GRIK1: variants seen among roughly 807,000 people sequenced by gnomAD.
GRIK1 encodes glutamate receptor ionotropic, kainate 1.
Under a neutral mutation model 105.7 loss-of-function variants are expected in GRIK1, and 69 were observed. The ratio of observed to expected loss-of-function variants is 0.65; its 90% CI spans 0.54 to 0.80. The LOEUF (loss-of-function observed/expected upper bound fraction) is 0.80, where lower values mean the gene tolerates loss of function less well. Among genes scored for constraint, GRIK1 ranks in the 30% least tolerant of loss-of-function variants. The pLI is 0.00. For synonymous variants in GRIK1, 438 were observed against 431.3 expected (o/e 1.02, Z -0.19); for missense variants, 1,109 against 1,167.3 (o/e 0.95, Z 0.73).
At chr21:29,647,320 G>A (rs1281285164) in intron 6 of GRIK1, among the ~76,000 whole-genome samples, 2 of 152,180 alleles carry the variant, frequency 1.3e-5, no homozygotes, top group African/African-American at 4.8e-5. Flanking sequence ...TAAATGACTT[G>A]TTCAGGTCAC....
chr21:29,831,209 C>A (rs2067626814), intron 1 of GRIK1, among the ~76,000 whole-genome samples: 1 of 152,054 alleles, frequency 6.6e-6, no homozygotes. Flanking sequence ...TGAGAAAAGG[C>A]AGAAATGTTT....
chr21:29,578,984 G>C (rs1487507091), intron 13 of GRIK1, among the ~76,000 whole-genome samples: 1 of 152,002 alleles, frequency 6.6e-6, no homozygotes, highest in Admixed American at 6.6e-5. Flanking sequence ...TCATTATTTG[G>C]TTGCATATGA....
At chr21:29,544,892 G>C (rs939873532) in intron 16 of GRIK1, among the ~76,000 whole-genome samples, 1 of 152,362 alleles carries the variant, frequency 6.6e-6, no homozygotes, top group South Asian at 2.1e-4. Flanking sequence ...GATCTGAGGA[G>C]GGGCACCTCC....
intron 4 of GRIK1, among the ~76,000 whole-genome samples, chr21:29,656,955 C>T (rs974062684): frequency 5.9e-5 from 9 of 152,100 alleles, no homozygotes; most frequent in African/African-American, 1.7e-4. Flanking sequence ...GACAACAAGA[C>T]CAGGCACACT....
At chr21:29,638,865 C>T (rs1016701) in intron 7 of GRIK1, among the ~76,000 whole-genome samples, 9,983 of 152,232 alleles carry the variant, frequency 0.066, 464 homozygotes, top group African/African-American at 0.12. Context: ...TTTTGCTAGG[C>T]TATACATATA....
intron 16 of GRIK1, among the ~76,000 whole-genome samples, chr21:29,541,727 T>C (rs1268191011): frequency 6.6e-6 from 1 of 151,764 alleles, no homozygotes; most frequent in African/African-American, 2.4e-5. Flanking sequence ...TGTTAAAACA[T>C]AAATTTTCAA....
chr21:29,914,163 C>T (rs1014585969), intron 1 of GRIK1, among the ~76,000 whole-genome samples: 7 of 151,976 alleles, frequency 4.6e-5, no homozygotes, highest in African/African-American at 1.2e-4. Context: ...CACCCATCCC[C>T]AAGTTGTGAC....
intron 3 of GRIK1, among the ~76,000 whole-genome samples, chr21:29,684,221 T>C (rs1295015143): frequency 6.6e-6 from 1 of 152,186 alleles, no homozygotes; most frequent in East Asian, 1.9e-4. Context: ...TGTCTGGCAG[T>C]AAATGTCTAT....
chr21:29,538,858 A>G (rs985100569), intron 16 of GRIK1, among the ~76,000 whole-genome samples: 3 of 152,164 alleles, frequency 2.0e-5, no homozygotes, highest in African/African-American at 7.2e-5. Context: ...AGTTTAGAGA[A>G]GTAGTAGTTT....
At chr21:29,863,518 A>C (rs779599162) in intron 1 of GRIK1, among the ~76,000 whole-genome samples, 7 of 152,156 alleles carry the variant, frequency 4.6e-5, no homozygotes, top group Non-Finnish European at 7.4e-5. Context: ...TTCATTTGGC[A>C]TTTAGACACT....
intron 1 of GRIK1, chr21:29,761,299 C>G (rs368497742): frequency 6.6e-6 from 1 of 152,218 alleles, no homozygotes; most frequent in East Asian, 1.9e-4. Flanking sequence ...CCCAGGTTCT[C>G]GAACTCATGA....
At chr21:29,610,244 G>A (rs566089188) in intron 7 of GRIK1, among the ~76,000 whole-genome samples, 1 of 152,236 alleles carries the variant, frequency 6.6e-6, no homozygotes, top group Non-Finnish European at 1.5e-5. Flanking sequence ...TTGTGTGGTA[G>A]GGTGAATAAA....
chr21:29,561,579 CTGACA>C, intron 15 of GRIK1, 40 bp downstream of exon 15: 1 of 1,306,030 alleles, frequency 7.7e-7, no homozygotes, highest in Middle Eastern at 1.8e-4. Context: ...ATACTGGTAA[CTGACA>C]TTCTGTATCT....
chr21:29,925,869 C>G (rs2071353203), intron 1 of GRIK1, among the ~76,000 whole-genome samples: 1 of 152,164 alleles, frequency 6.6e-6, no homozygotes, highest in South Asian at 2.1e-4. Context: ...CTTGTATGCA[C>G]ATGTACTTAG....
At chr21:29,759,723 G>T (rs2065459067) in intron 1 of GRIK1, among the ~76,000 whole-genome samples, 1 of 152,140 alleles carries the variant, frequency 6.6e-6, no homozygotes, top group Non-Finnish European at 1.5e-5. Context: ...TTTAATTTTA[G>T]GTAGAATGCA....
At chr21:29,773,243 G>C (rs966502013) in intron 1 of GRIK1, among the ~76,000 whole-genome samples, 16 of 152,314 alleles carry the variant, frequency 1.1e-4, no homozygotes, top group African/African-American at 3.8e-4. Flanking sequence ...GCAAGCGAGA[G>C]GACTGGGAGA....
chr21:29,785,225 T>A (rs2066226548), intron 1 of GRIK1, among the ~76,000 whole-genome samples: 1 of 152,230 alleles, frequency 6.6e-6, no homozygotes, highest in African/African-American at 2.4e-5. Context: ...ATCAGCCTAA[T>A]GCCATGCTTA....
intron 1 of GRIK1, among the ~76,000 whole-genome samples, chr21:29,765,986 G>A (rs1049509134): frequency 6.6e-6 from 1 of 151,834 alleles, no homozygotes; most frequent in African/African-American, 2.4e-5. Flanking sequence ...CGAGTAGCTG[G>A]GACTACAGGC....
intron 7 of GRIK1, among the ~76,000 whole-genome samples, chr21:29,608,075 G>T (rs1469905678): frequency 6.6e-6 from 1 of 152,058 alleles, no homozygotes; most frequent in East Asian, 1.9e-4. Flanking sequence ...TACCATTAGT[G>T]TGTGTATGTC....
Sources: allele counts gnomAD v4.1 joint callset (sites outside exome capture counted in the v4.1 genomes callset), GRCh38; gene constraint gnomAD v4.1.1; transcripts MANE v1.5; gene names NCBI Gene and HGNC (gene_info 2026-07-23, HGNC 2026-07-21).